The following USP37 variants were observed in gnomAD, a reference collection of about 807,000 sequenced individuals.
The protein encoded by USP37 is ubiquitin specific peptidase 37, also known as ubiquitin carboxyl-terminal hydrolase 37.
Under a neutral mutation model 124.0 loss-of-function variants are expected in USP37, and 27 were observed. That is an observed-to-expected ratio of 0.22 (90% CI 0.16 to 0.30). The LOEUF (loss-of-function observed/expected upper bound fraction) is 0.30, where lower values mean the gene tolerates loss of function less well. Among genes scored for constraint, USP37 ranks in the 10% least tolerant of loss-of-function variants. The probability of loss-of-function intolerance (pLI) is 1.00; values close to 1 mark genes in which losing one functional copy is unlikely to be tolerated. For missense variants in USP37, 889 were observed against 1,140.4 expected (o/e 0.78, Z 3.17); for synonymous variants, 365 against 388.0 (o/e 0.94, Z 0.70).
intron 20 of USP37, among the ~76,000 whole-genome samples, chr2:218,466,684 GAAGTAAGAATTAGGCCAAA>G (rs1336318779): frequency 6.6e-5 from 10 of 152,150 alleles, no homozygotes; most frequent in Non-Finnish European, 1.2e-4. Context: ...TAGAGCAAAT[GAAGTAAGAATTAGGCCAAA>G]ATGATCAAGC....
chr2:218,509,984 C>A lies in USP37; in HGVS notation c.1020G>T (p.Leu340=), dbSNP rs2106002821. 1 of 1,560,228 alleles carries A rather than the reference C, an allele frequency of 6.4e-7. No individual in the cohort carries two copies. The highest frequency in any genetic ancestry group is 2.3e-5 in the East Asian group (1 of 43,862). The part of the protein sequence containing the change: ...VPLSSHQQQQ[L]QGFSNLGNTC... ...AAATGAAAGAATTGACCTACCCCTG[C>A]AGTTGCTGCTGTTGGTGAGAGGAAA... The change falls in exon 11 of 26, where the codon CTG becomes CTT. Residue 340 remains leucine, a synonymous_variant. Coordinates refer to ENST00000258399, the MANE Select transcript of USP37 (RefSeq NM_020935.3).
chr2:218,481,683 CTTTTTTTTTT>C (rs71403043), intron 17 of USP37, among the ~76,000 whole-genome samples: 3 of 134,474 alleles, frequency 2.2e-5, no homozygotes, highest in Admixed American at 7.5e-5. Flanking sequence ...CTTTTCTTTT[CTTTTTTTTTT>C]TTTTTTTGAG....
intron 10 of USP37, among the ~76,000 whole-genome samples, chr2:218,517,184 G>A (rs1438599674): frequency 6.6e-6 from 1 of 152,068 alleles, no homozygotes; most frequent in Non-Finnish European, 1.5e-5. Flanking sequence ...AAAGAAACTA[G>A]GAACAATTTA....
At chr2:218,480,004 G>A (rs112914537) in intron 17 of USP37, among the ~76,000 whole-genome samples, 1 of 151,876 alleles carries the variant, frequency 6.6e-6, no homozygotes, top group South Asian at 2.1e-4. Flanking sequence ...AAATTAGCTG[G>A]GTTTGGCGGC....
chr2:218,539,838 C>T (rs1691877400), intron 8 of USP37, among the ~76,000 whole-genome samples: 1 of 151,894 alleles, frequency 6.6e-6, no homozygotes, highest in Non-Finnish European at 1.5e-5. Context: ...GGTGAAACCC[C>T]ATCCCTACTA....
intron 14 of USP37, among the ~76,000 whole-genome samples, chr2:218,494,788 GA>G (rs1688982809): frequency 6.6e-6 from 1 of 152,182 alleles, no homozygotes; most frequent in African/African-American, 2.4e-5. Flanking sequence ...GCAGGCTATA[GA>G]AGTCCTGATA....
chr2:218,514,345 T>C (rs565725651), intron 10 of USP37: 24 of 152,372 alleles, frequency 1.6e-4, no homozygotes, highest in South Asian at 4.1e-4. Flanking sequence ...GTCATGTTTC[T>C]TTACTCGTAC....
At chr2:218,464,479 C>T (rs770484866) in intron 21 of USP37, among the ~76,000 whole-genome samples, 9 of 152,220 alleles carry the variant, frequency 5.9e-5, no homozygotes, top group South Asian at 4.1e-4. Context: ...CTTAAGGGAT[C>T]CACCCACCTT....
intron 23 of USP37, among the ~76,000 whole-genome samples, chr2:218,458,963 G>A (rs1229768185): frequency 6.6e-6 from 1 of 151,904 alleles, no homozygotes; most frequent in Non-Finnish European, 1.5e-5. Flanking sequence ...TATACATGGA[G>A]GTGAGAATAA....
intron 22 of USP37, among the ~76,000 whole-genome samples, chr2:218,460,258 CA>C (rs34916803): frequency 2.5e-3 from 323 of 129,220 alleles, no homozygotes; most frequent in Non-Finnish European, 2.7e-3. Context: ...AACTCTGTCC[CA>C]AAAAAAAAAA....
chr2:218,480,850 G>C (rs1368129002), intron 17 of USP37, among the ~76,000 whole-genome samples: 1 of 152,214 alleles, frequency 6.6e-6, no homozygotes, highest in Non-Finnish European at 1.5e-5. Flanking sequence ...AAGCAAAAAC[G>C]TGAAAAGCTG....
intron 20 of USP37, among the ~76,000 whole-genome samples, chr2:218,466,684 G>A (rs1690343941): frequency 6.6e-6 from 1 of 152,150 alleles, no homozygotes; most frequent in South Asian, 2.1e-4. Flanking sequence ...TAGAGCAAAT[G>A]AAGTAAGAAT....
At position 218,454,688 on chromosome 2, in the gene USP37, A is replaced by G. The variant is rs1352164514; in HGVS notation, c.*242T>C. 2 of 614,050 alleles carry G rather than the reference A, an allele frequency of 3.3e-6. No individual in the cohort carries two copies. The allele number at this position is 614,050 out of a possible 1,614,324, so 38.0% of individuals were successfully genotyped here. A position where few individuals can be genotyped will look rare whatever the true frequency, so the allele number is the denominator to read the frequency against. On this transcript the variant is annotated 3_prime_UTR_variant, in exon 26 of 26. Coordinates refer to ENST00000258399, the MANE Select transcript of USP37 (RefSeq NM_020935.3). ...TATATTTACAACATGTATTCCTAAG[A>G]CAAAAGAAGTGCCACTCATAGGAGA... is the stretch of plus-strand genomic sequence containing the variant.
chr2:218,482,246 G>A lies in USP37; in HGVS notation c.1671-12C>T. On this transcript the variant is annotated splice_polypyrimidine_tract_variant and intron_variant, in intron 16 of 25. Coordinates refer to ENST00000258399, the MANE Select transcript of USP37 (RefSeq NM_020935.3). ...GGAGAATGAGGACCCTGAAAAACAG[G>A]AGATGACAACCTTACTAATTCATAC... The A allele has an allele frequency of 6.2e-7, 1 of 1,605,878 alleles. No individual in the cohort carries two copies. Among genetic ancestry groups the A allele is most frequent in the Admixed American group, 1.7e-5 (1 of 59,486 alleles).
rs1290385944 is a variant in USP37 at position 218,525,709 on chromosome 2, T to C, written c.863+4247A>G. Among the ~76,000 whole-genome samples, 6 of 152,302 alleles carry C rather than the reference T, an allele frequency of 3.9e-5. No homozygotes were observed. In the East Asian group the frequency reaches 1.2e-3, roughly 29 times the overall value. On this transcript the variant is annotated intron_variant, in intron 10 of 25. Transcript: ENST00000258399. ...TATAAATTTTTTTCTAAGTTTTATT[T>C]TAAGTTCAGGGGTACATGTACAGTT...
intron 19 of USP37, among the ~76,000 whole-genome samples, chr2:218,476,116 A>G (rs1690960352): frequency 6.6e-6 from 1 of 152,212 alleles, no homozygotes; most frequent in Non-Finnish European, 1.5e-5. Flanking sequence ...AAAATACAGT[A>G]GCATAAGATA....
intron 5 of USP37, among the ~76,000 whole-genome samples, chr2:218,552,918 AAAACAAAC>A (rs140347553): frequency 1.7e-4 from 26 of 151,498 alleles, no homozygotes; most frequent in Admixed American, 3.3e-4. Flanking sequence ...ACTCCATTTC[AAAACAAAC>A]AAACAAACAA....
At chr2:218,460,119 G>A (rs956170174) in intron 22 of USP37, among the ~76,000 whole-genome samples, 2 of 147,088 alleles carry the variant, frequency 1.4e-5, no homozygotes, top group African/African-American at 5.1e-5. Flanking sequence ...AATTAGCCAG[G>A]AGTGGTGGCT....
chr2:218,476,812 T>C (rs1178501011), intron 19 of USP37, 28 bp downstream of exon 19: 2 of 1,584,994 alleles, frequency 1.3e-6, no homozygotes. Context: ...CAAATCTTTG[T>C]CAGATGTTTT....
Sources: gnomAD v4.1 joint callset for allele counts (sites outside exome capture counted in the v4.1 genomes callset) on GRCh38, gnomAD v4.1.1 for gene constraint, MANE v1.5 for transcripts, NCBI Gene and HGNC (gene_info 2026-07-23, HGNC 2026-07-21) for gene names.